SLC2A13: variants seen among roughly 807,000 people sequenced by gnomAD.
SLC2A13 encodes proton myo-inositol cotransporter.
SLC2A13 carries 32 observed loss-of-function variants against 64.4 expected under a neutral mutation model. That is an observed-to-expected ratio of 0.50 (90% CI 0.37 to 0.67). The LOEUF (loss-of-function observed/expected upper bound fraction) is 0.67. Among genes scored for constraint, SLC2A13 ranks in the 30% least tolerant of loss-of-function variants. The pLI is 0.00. For synonymous variants in SLC2A13, 338 were observed against 327.1 expected (o/e 1.03, Z -0.36); for missense variants, 743 against 829.2 (o/e 0.90, Z 1.28).
intron 3 of SLC2A13, among the ~76,000 whole-genome samples, chr12:40,022,663 C>A (rs1324474096): frequency 6.6e-6 from 1 of 152,068 alleles, no homozygotes; most frequent in African/African-American, 2.4e-5. Context: ...GCGGTGAAAC[C>A]CCGTCTCTAC....
intron 4 of SLC2A13, among the ~76,000 whole-genome samples, chr12:39,897,643 G>A (rs1414772407): frequency 6.6e-6 from 1 of 152,176 alleles, no homozygotes. Context: ...AGCATACTGA[G>A]AAGGTGAATT....
intron 1 of SLC2A13, among the ~76,000 whole-genome samples, chr12:40,085,897 C>CA (rs1418896125): frequency 6.6e-6 from 1 of 151,624 alleles, no homozygotes; most frequent in Non-Finnish European, 1.5e-5. Flanking sequence ...TTTTTTGAGA[C>CA]AGAGTCTCGC....
intron 7 of SLC2A13, among the ~76,000 whole-genome samples, chr12:39,769,969 T>C (rs935544703): frequency 6.6e-6 from 1 of 152,138 alleles, no homozygotes; most frequent in Non-Finnish European, 1.5e-5. Flanking sequence ...TGTCTTAATC[T>C]TGATGCTCTT....
chr12:39,933,057 C>A (rs1327749287), intron 4 of SLC2A13, among the ~76,000 whole-genome samples: 1 of 150,526 alleles, frequency 6.6e-6, no homozygotes, highest in Admixed American at 6.6e-5. Context: ...GGAACCCTGT[C>A]TCTACCAAAA....
At chr12:39,884,711 G>T (rs1944428897) in intron 4 of SLC2A13, among the ~76,000 whole-genome samples, 1 of 152,142 alleles carries the variant, frequency 6.6e-6, no homozygotes, top group African/African-American at 2.4e-5. Flanking sequence ...AGCAGTAAAG[G>T]TAAAGAGCTG....
rs1258481734 is a variant in SLC2A13, at chr12:40,105,460, C to T, written c.349G>A (p.Ala117Thr). 1 of 1,561,198 alleles carries T rather than the reference C, an allele frequency of 6.4e-7. No individual in the cohort carries two copies. Among genetic ancestry groups the T allele is most frequent in the Admixed American group, 1.9e-5 (1 of 52,788 alleles). ...GACACCAGCAGCTCCTGCCACAGCG[C>T]GTCCAGACTGAGCTGCCGCTTGAGC... ...LLLKRQLSLD[A>T]LWQELLVSST... The change falls in exon 1 of 10, where the codon GCG becomes ACG. Residue 117 changes from alanine (A) to threonine (T), a missense_variant. Ala to Thr is a moderately conservative substitution (Grantham distance 58, BLOSUM62 0). Transcript: ENST00000280871. This position sits in a 1 kb window ranked among gnomAD's most constrained non-coding sequence, Gnocchi z 4.2.
chr12:40,083,980 T>C (rs1938505788), intron 1 of SLC2A13, among the ~76,000 whole-genome samples: 1 of 152,256 alleles, frequency 6.6e-6, no homozygotes, highest in South Asian at 2.1e-4. Flanking sequence ...TCATTCATTA[T>C]ACTTTAAAAT....
At chr12:39,874,593 C>G (rs1408885338) in intron 4 of SLC2A13, among the ~76,000 whole-genome samples, 2 of 112,916 alleles carry the variant, frequency 1.8e-5, no homozygotes, top group Non-Finnish European at 3.5e-5. Flanking sequence ...CCAGCCTGGG[C>G]AACAAAAGCA....
intron 3 of SLC2A13, among the ~76,000 whole-genome samples, chr12:39,978,750 G>A (rs537870925): frequency 2.0e-5 from 3 of 152,304 alleles, no homozygotes; most frequent in African/African-American, 7.2e-5. Context: ...TGGGGGAGAG[G>A]CGCCCGCCAT....
chr12:39,927,077 T>C (rs1945743315), intron 4 of SLC2A13, among the ~76,000 whole-genome samples: 1 of 152,328 alleles, frequency 6.6e-6, no homozygotes, highest in African/African-American at 2.4e-5. Context: ...TTTGATCATA[T>C]ATAAATGGAA....
intron 4 of SLC2A13, among the ~76,000 whole-genome samples, chr12:39,903,610 T>C (rs993443357): frequency 2.0e-5 from 3 of 152,058 alleles, no homozygotes; most frequent in Non-Finnish European, 4.4e-5. Context: ...TTTTCAACTC[T>C]GGCTTTTCCC....
chr12:39,873,157 T>A (rs1211475318), intron 4 of SLC2A13, among the ~76,000 whole-genome samples: 1 of 152,204 alleles, frequency 6.6e-6, no homozygotes, highest in Non-Finnish European at 1.5e-5. Flanking sequence ...CTTTTTTAAA[T>A]TAATAAACCA....
Position 40,105,522 on chromosome 12 carries a change from C to A in SLC2A13, c.287G>T (p.Gly96Val). ...CCCTGACACCACCCCGGTGTCATAG[C>A]CAAACAGGAAGCCGCCCAGCGCGGA... ...VFSALGGFLF[G>V]YDTGVVSGAM... The change falls in exon 1 of 10, where the codon GGC becomes GTC. Residue 96 changes from glycine (G) to valine (V), a missense_variant. Gly to Val is a moderately radical substitution (Grantham distance 109). Transcript: ENST00000280871. This position sits in a 1 kb window ranked among gnomAD's most constrained non-coding sequence, Gnocchi z 4.2. 1 of 1,582,556 alleles carries A rather than the reference C, an allele frequency of 6.3e-7. No homozygotes were observed. The highest frequency in any genetic ancestry group is 8.6e-7 in the Non-Finnish European group (1 of 1,166,836).
chr12:40,071,040 G>C (rs942988204), intron 1 of SLC2A13, among the ~76,000 whole-genome samples: 1 of 152,026 alleles, frequency 6.6e-6, no homozygotes, highest in Non-Finnish European at 1.5e-5. Context: ...TCTTACCTAG[G>C]GACAACTGTC....
intron 3 of SLC2A13, among the ~76,000 whole-genome samples, chr12:39,980,240 C>A (rs1468502818): frequency 1.3e-5 from 2 of 152,032 alleles, no homozygotes; most frequent in East Asian, 1.9e-4. Context: ...TAAAGACCAT[C>A]GAGACTAGGA....
In SLC2A13 at chr12:39,812,446, C is replaced by CTCTT. The variant is rs374842901; in HGVS notation, c.1445+17653_1445+17656dup. Among the ~76,000 whole-genome samples the CTCTT allele has an allele frequency of 7.2e-3, 1,037 of 143,364 alleles. 14 individuals carry two copies. The highest frequency in any genetic ancestry group is 0.025 in the African/African-American group (974 of 38,444). The allele number at this position is 143,364 out of a possible 152,430, so 94.1% of individuals were successfully genotyped here. ...CCTGCCTTCCTTCCTTTTCTTTCTTCTCTTTCTTTCTTTCTCCTTTCTTTC... is the reference window on the plus strand; with the variant it reads ...CCTGCCTTCCTTCCTTTTCTTTCTTCTCTTTCTTTCTTTCTTTCTCCTTTCTTTC... On this transcript the variant is annotated intron_variant, in intron 7 of 9. Coordinates refer to ENST00000280871, the MANE Select transcript of SLC2A13 (RefSeq NM_052885.4).
chr12:40,089,895 A>T (rs534461307), intron 1 of SLC2A13, among the ~76,000 whole-genome samples: 1 of 152,300 alleles, frequency 6.6e-6, no homozygotes, highest in South Asian at 2.1e-4. Context: ...GGATTTGACA[A>T]GCACAGAGCT....
At chr12:40,051,453 G>A (rs1444460164) in intron 1 of SLC2A13, among the ~76,000 whole-genome samples, 1 of 152,126 alleles carries the variant, frequency 6.6e-6, no homozygotes, top group Non-Finnish European at 1.5e-5. Context: ...TTAGCACTTT[G>A]GAGATAGTGC....
intron 1 of SLC2A13, among the ~76,000 whole-genome samples, chr12:40,072,900 T>A (rs576016774): frequency 6.6e-6 from 1 of 152,096 alleles, no homozygotes; most frequent in African/African-American, 2.4e-5. Context: ...ACCATATTTA[T>A]TGTTTTCATT....
Sources: gnomAD v4.1 joint callset for allele counts (sites outside exome capture counted in the v4.1 genomes callset) on GRCh38, gnomAD v4.1.1 for gene constraint, Gnocchi (gnomAD v3.1) non-coding constraint, MANE v1.5 for transcripts, NCBI Gene and HGNC (gene_info 2026-07-23, HGNC 2026-07-21) for gene names.